ABCA3: variants seen among roughly 807,000 people sequenced by gnomAD.
ABCA3 encodes the protein phospholipid-transporting ATPase ABCA3.
In ABCA3, 88 loss-of-function variants were observed where a neutral mutation model predicts 172.8. The observed-to-expected ratio is 0.51, with a 90% CI of 0.43 to 0.61. ABCA3 has a LOEUF of 0.61. ABCA3 is among the 20% of genes least tolerant of loss of function. ABCA3 has a pLI of 0.00. For synonymous variants in ABCA3, 1,066 were observed against 983.8 expected (o/e 1.08, Z -1.56); for missense variants, 2,164 against 2,301.0 (o/e 0.94, Z 1.22).
At chr16:2,290,607 G>A (rs1040380650) in intron 19 of ABCA3, among the ~76,000 whole-genome samples, 2 of 152,216 alleles carry the variant, frequency 1.3e-5, no homozygotes, top group East Asian at 1.9e-4. Flanking sequence ...TTTCTGTTAT[G>A]TTCATGCTTC....
chr16:2,284,678 A>G lies in ABCA3; in HGVS notation c.3703+101T>C, dbSNP rs559760140. ...GGGCTGGTGAGCATGAACTGGGCCC[A>G]TTGCCTGAGTCCCGCCTCGGCTGTG... is the stretch of plus-strand genomic sequence containing the variant. On this transcript the variant is annotated intron_variant, in intron 24 of 32. Coordinates refer to ENST00000301732, the MANE Select transcript of ABCA3 (RefSeq NM_001089.3). The surrounding 1 kb of genome is among the most constrained non-coding windows in gnomAD (Gnocchi z 5.9). 2.2e-6 allele frequency: 3 copies of G among 1,354,864 alleles called. No individual in the cohort carries two copies. In the South Asian group the frequency reaches 3.8e-5, roughly 17 times the overall value. The allele number at this position is 1,354,864 out of a possible 1,614,324, so 83.9% of individuals were successfully genotyped here.
chr16:2,289,273 G>A lies in ABCA3; in HGVS notation c.2700+161C>T, dbSNP rs536948508. On this transcript the variant is annotated intron_variant, in intron 20 of 32. Coordinates refer to ENST00000301732, the MANE Select transcript of ABCA3 (RefSeq NM_001089.3). ...CTCCATTCAAACGCTTCTCCCTGCC[G>A]ACCCATGCGGTGTGAGCCGCTGCCC... 3.0e-3 allele frequency: 2,415 copies of A among 803,508 alleles called. 3 individuals are homozygous for A. Among genetic ancestry groups the A allele is most frequent in the Non-Finnish European group, 4.0e-3 (2,028 of 511,938 alleles). The allele number at this position is 803,508 out of a possible 1,614,324, so 49.8% of individuals were successfully genotyped here. A position where few individuals can be genotyped will look rare whatever the true frequency, so the allele number is the denominator to read the frequency against.
rs370684896 is a variant in ABCA3 at position 2,298,412 on chromosome 16, C to A, written c.1870G>T (p.Ala624Ser). 6.2e-7 allele frequency: 1 copy of A among 1,614,092 alleles called. No homozygotes were observed. Among genetic ancestry groups the A allele is most frequent in the Admixed American group, 1.7e-5 (1 of 60,014 alleles). The change falls in exon 15 of 33, where the codon GCA (alanine) becomes TCA (serine). Residue 624 changes from alanine to serine, a missense_variant. This residue lies in a region of ABCA3 where 1,343 missense variants were observed against 1,369.6 expected (regional missense o/e 0.98). Transcript: ENST00000301732. Reference protein sequence around the residue: ...HDILFDNLTVAEHLYFYAQLK... With the variant: ...HDILFDNLTVSEHLYFYAQLK... ...TGGGCGTAGAAATAAAGGTGCTCTG[C>A]GACTGTCAAGTTGTCAAACAGGATG...
Position 2,287,906 on chromosome 16 carries a change from C to T in ABCA3, c.3004+120G>A. ...GGATGCTGCTGAACCTCCCTCAGTA[C>T]ATTCGGAACAGCCAAGAACCATCCT... On this transcript the variant is annotated intron_variant, in intron 21 of 32. Transcript: ENST00000301732. This position sits in a 1 kb window ranked among gnomAD's most constrained non-coding sequence, Gnocchi z 4.1. 3.9e-6 allele frequency: 5 copies of T among 1,274,270 alleles called. No individual in the cohort carries two copies. The highest frequency in any genetic ancestry group is 5.5e-6 in the Non-Finnish European group (5 of 915,250). The allele number at this position is 1,274,270 out of a possible 1,614,324, so 78.9% of individuals were successfully genotyped here.
chr16:2,297,611 C>T lies in ABCA3; in HGVS notation c.2053-72G>A. The T allele has an allele frequency of 6.3e-7, 1 of 1,596,504 alleles. No individual in the cohort carries two copies. Among genetic ancestry groups the T allele is most frequent in the Non-Finnish European group, 8.5e-7 (1 of 1,171,876 alleles). The stretch of plus-strand genomic sequence containing the variant: ...GGGCCCAGGCTGGCCTTGCGGTAGG[C>T]CCCATCGAGGGGTTCGCGGAGCCGG... On this transcript the variant is annotated intron_variant, in intron 16 of 32. Transcript: ENST00000301732. This position sits in a 1 kb window ranked among gnomAD's most constrained non-coding sequence, Gnocchi z 5.6.
At position 2,280,930 on chromosome 16, in the gene ABCA3, A is replaced by T. The variant is rs1381335953; in HGVS notation, c.4359+97T>A. 5 of 1,496,192 alleles carry T rather than the reference A, an allele frequency of 3.3e-6. No individual in the cohort carries two copies. In the East Asian group the frequency reaches 1.1e-4, roughly 34 times the overall value. 92.7% of individuals were successfully genotyped at this position (1,496,192 alleles called of 1,614,324 possible). Reference sequence around the variant, plus strand: ...GCCCATTTCAAGCCACAGATGCAGCAGCTGTTTGGGGACAGCATCCCTCTG... The same window carrying T: ...GCCCATTTCAAGCCACAGATGCAGCTGCTGTTTGGGGACAGCATCCCTCTG... On this transcript the variant is annotated intron_variant, in intron 28 of 32. Transcript: ENST00000301732.
At position 2,276,026 on chromosome 16, in the gene ABCA3, G is replaced by C. The variant is rs1189234085; in HGVS notation, c.*648C>G. Reference sequence around the variant, plus strand: ...CAGTGCTGGAAACAGAGACTGCTTCGAGCCTGGCCACCTTCCCTCCTGTGC... The same window carrying C: ...CAGTGCTGGAAACAGAGACTGCTTCCAGCCTGGCCACCTTCCCTCCTGTGC... On this transcript the variant is annotated 3_prime_UTR_variant, in exon 33 of 33. Coordinates refer to ENST00000301732, the MANE Select transcript of ABCA3 (RefSeq NM_001089.3). The C allele has an allele frequency of 1.1e-5, 3 of 269,412 alleles. No individual in the cohort carries two copies. Among genetic ancestry groups the C allele is most frequent in the Non-Finnish European group, 1.5e-5 (2 of 135,292 alleles). The allele number at this position is 269,412 out of a possible 1,614,324, so 16.7% of individuals were successfully genotyped here. A position where few individuals can be genotyped will look rare whatever the true frequency, so the allele number is the denominator to read the frequency against.
At chr16:2,323,214 A>G in intron 7 of ABCA3, 1 of 468,942 alleles carries the variant, frequency 2.1e-6, no homozygotes, top group Non-Finnish European at 3.9e-6. Flanking sequence ...GTGGGACTGT[A>G]AACTAGTTCA....
rs143552557 is a variant in ABCA3 at position 2,295,736 on chromosome 16, G to A, written c.2268C>T (p.Ala756=). 1.5e-3 allele frequency: 2,349 copies of A among 1,613,858 alleles called. 3 individuals are homozygous for A. The highest frequency in any genetic ancestry group is 7.4e-3 in the Middle Eastern group (45 of 6,060). ...CCTTCACCAGCGTCATGTGATAGCCGGCACCTGGAATACAGGGCCACGTGT... is the reference window on the plus strand; with the variant it reads ...CCTTCACCAGCGTCATGTGATAGCCAGCACCTGGAATACAGGGCCACGTGT... ...SSLFLKQKYG[A]GYHMTLVKEP... is the part of the protein sequence containing the mutation. The change falls in exon 18 of 33, where the codon GCC becomes GCT. Residue 756 remains alanine, a synonymous_variant. Transcript: ENST00000301732.
Position 2,292,162 on chromosome 16 carries a change from T to A in ABCA3, c.2491A>T (p.Thr831Ser), listed in dbSNP as rs1398721094. 1 of 1,613,860 alleles carries A rather than the reference T, an allele frequency of 6.2e-7. No individual in the cohort carries two copies. Among genetic ancestry groups the A allele is most frequent in the East Asian group, 2.2e-5 (1 of 44,864 alleles). ...GACCGAAGGAAGACTTCCTCCATGG[T>A]GGTGATGGATGCCCCAAAGCTGGCA... ...GIASFGASIT[T>S]MEEVFLRVGK... The change falls in exon 19 of 33, where the codon ACC (threonine) becomes TCC (serine). Residue 831 changes from threonine (T) to serine (S), a missense_variant. Physicochemically the swap from Thr to Ser is moderately conservative, Grantham distance 58. Around this residue, in one of 3 missense-constraint regions of ABCA3, gnomAD observed 1,343 missense variants for 1,369.6 expected, o/e 0.98. Coordinates refer to ENST00000301732, the MANE Select transcript of ABCA3 (RefSeq NM_001089.3).
rs763078860 is a variant in ABCA3, at chr16:2,278,040, C to T, written c.4748G>A (p.Arg1583Gln). 8.1e-6 allele frequency: 13 copies of T among 1,613,426 alleles called. No individual in the cohort carries two copies. Among genetic ancestry groups the T allele is most frequent in the Non-Finnish European group, 8.5e-6 (10 of 1,180,020 alleles). The change falls in exon 31 of 33, where the codon CGG becomes CAG. Residue 1583 changes from arginine to glutamine, a missense_variant. By Grantham distance (43) the Arg-to-Gln change is conservative (BLOSUM62 1). Around this residue, in one of 3 missense-constraint regions of ABCA3, gnomAD observed 795 missense variants for 881.9 expected, o/e 0.90. Transcript: ENST00000301732. The surrounding 1 kb of genome is among the most constrained non-coding windows in gnomAD (Gnocchi z 4.4). ...SMEECEALCTRLAIMVQGQFK... is the reference protein window; with the variant it reads ...SMEECEALCTQLAIMVQGQFK... ...CTGCCCCTGCACCATGATGGCCAGC[C>T]GGGTGCACAGGGCCTCACACTCCTC...
chr16:2,322,010 C>A (rs969565427), intron 7 of ABCA3, among the ~76,000 whole-genome samples: 2 of 151,914 alleles, frequency 1.3e-5, no homozygotes, highest in Admixed American at 1.3e-4. Flanking sequence ...CCATCCTGGC[C>A]AACGTGGTGA....
At chr16:2,303,745 T>G (rs2093693163) in intron 12 of ABCA3, among the ~76,000 whole-genome samples, 1 of 152,178 alleles carries the variant, frequency 6.6e-6, no homozygotes, top group Non-Finnish European at 1.5e-5. Flanking sequence ...TCTCAGGCTC[T>G]GAAGCGGAAG....
At chr16:2,302,452 A>G (rs1176361036) in intron 12 of ABCA3, among the ~76,000 whole-genome samples, 1 of 152,150 alleles carries the variant, frequency 6.6e-6, no homozygotes, top group African/African-American at 2.4e-5. Flanking sequence ...TGTTAGGTTA[A>G]GAAAAGCAAC....
chr16:2,286,839 G>A lies in ABCA3; in HGVS notation c.3133C>T (p.Gln1045Ter), dbSNP rs1427920654. 4 of 1,614,142 alleles carry A rather than the reference G, an allele frequency of 2.5e-6. No individual in the cohort carries two copies. The highest frequency in any genetic ancestry group is 1.7e-6 in the Non-Finnish European group (2 of 1,180,018). Reference protein sequence around the residue: ...RTVVNALFNNQAYHSPATALA... With the variant: ...RTVVNALFNN ...GCAGTGGCTGGAGAGTGGTACGCCT[G>A]GTTGTTGAACAAGGCGTTGACGACC... The change falls in exon 22 of 33, where the codon CAG becomes TAG. Residue 1045 changes from glutamine (Q) to a stop codon, truncating the protein, a stop_gained. Transcript: ENST00000301732. LOFTEE classifies it high-confidence loss of function. This position sits in a 1 kb window ranked among gnomAD's most constrained non-coding sequence, Gnocchi z 5.2.
chr16:2,292,288 T>C (rs770884517), intron 18 of ABCA3, 50 bp from the exon 19 acceptor site: 1 of 1,521,772 alleles, frequency 6.6e-7, no homozygotes. Context: ...ACTTTCTAGA[T>C]AATTTGTTCC....
At position 2,278,727 on chromosome 16, in the gene ABCA3, C is replaced by T. The variant is rs1329293731; in HGVS notation, c.4547+216G>A. ...AAAGGGGACCTGCCGACCCTGACAT[C>T]TCTCACTGCTGGCTTTGTCCCTAGG... is the stretch of plus-strand genomic sequence containing the variant. On this transcript the variant is annotated intron_variant, in intron 29 of 32. Coordinates refer to ENST00000301732, the MANE Select transcript of ABCA3 (RefSeq NM_001089.3). This position sits in a 1 kb window ranked among gnomAD's most constrained non-coding sequence, Gnocchi z 4.4. Among the ~76,000 whole-genome samples the T allele has an allele frequency of 6.6e-6, 1 of 152,242 alleles. No homozygotes were observed. The highest frequency in any genetic ancestry group is 2.4e-5 in the African/African-American group (1 of 41,470).
At chr16:2,295,113 G>A (rs1025613046) in intron 18 of ABCA3, among the ~76,000 whole-genome samples, 1 of 152,194 alleles carries the variant, frequency 6.6e-6, no homozygotes, top group East Asian at 1.9e-4. Context: ...CAGACTGATA[G>A]ATAGTGTCAT....
Position 2,277,706 on chromosome 16 carries a change from G to C in ABCA3, c.4910-36C>G, listed in dbSNP as rs777322287. 108 of 1,611,546 alleles carry C rather than the reference G, an allele frequency of 6.7e-5. 2 individuals are homozygous for C. The South Asian group carries it at 9.4e-4, about 14-fold the overall frequency. ...GAGAGACGGTGTTGCTGTGAGCGCC[G>C]GGCTGGAGGATCGGGGAGGGTGCCT... On this transcript the variant is annotated intron_variant, in intron 31 of 32. Transcript: ENST00000301732. The surrounding 1 kb of genome is among the most constrained non-coding windows in gnomAD (Gnocchi z 5.3).
Sources: allele counts gnomAD v4.1 joint callset (sites outside exome capture counted in the v4.1 genomes callset), GRCh38; gene constraint gnomAD v4.1.1; regional missense constraint gnomAD v4.1.1; non-coding constraint Gnocchi (gnomAD v3.1); transcripts MANE v1.5; gene names NCBI Gene and HGNC (gene_info 2026-07-23, HGNC 2026-07-21).